Variants in AMOT observed in about 807,000 individuals in gnomAD.
AMOT encodes the protein angiomotin.
Under a neutral mutation model 67.0 loss-of-function variants are expected in AMOT, and 11 were observed. The observed-to-expected ratio is 0.16, with a 90% CI of 0.10 to 0.27. AMOT has a LOEUF of 0.27. Among genes scored for constraint, AMOT ranks in the 10% least tolerant of loss-of-function variants. The pLI, the probability that AMOT is intolerant of heterozygous loss-of-function variation, is 1.00. For missense variants in AMOT, 753 were observed against 852.0 expected, an observed-to-expected ratio of 0.88 and a Z score of 1.45; for synonymous variants, 326 against 321.4, an observed-to-expected ratio of 1.01 and a Z score of -0.15.
At chrX:112,817,533 ATAAGGGCTTT>A (rs1039426636) in intron 4 of AMOT, among the ~76,000 whole-genome samples, 2 of 111,736 alleles carry the variant, frequency 1.8e-5, no homozygotes, top group Admixed American at 1.9e-4. Context: ...GATCTTAACT[ATAAGGGCTTT>A]TTACAGCTAC....
intron 1 of AMOT, among the ~76,000 whole-genome samples, chrX:112,839,426 T>TAA (rs745359154): frequency 1.1e-4 from 12 of 112,318 alleles, no homozygotes; most frequent in Non-Finnish European, 2.1e-4. Flanking sequence ...TTATGGTGAC[T>TAA]AATTATCTTC....
intron 8 of AMOT, among the ~76,000 whole-genome samples, chrX:112,795,650 G>A (rs1225319045): frequency 9.0e-6 from 1 of 111,273 alleles, no homozygotes; most frequent in East Asian, 2.8e-4. Context: ...CAAACCCCTG[G>A]AGAGGTCTTC....
At chrX:112,818,797 A>G (rs1934635169) in intron 4 of AMOT, among the ~76,000 whole-genome samples, 1 of 111,482 alleles carries the variant, frequency 9.0e-6, no homozygotes, top group South Asian at 3.9e-4. Context: ...TGTGAGCAGC[A>G]CACTCTCCAG....
chrX:112,826,200 A>G (rs1025704668), intron 2 of AMOT, among the ~76,000 whole-genome samples: 1 of 111,841 alleles, frequency 8.9e-6, no homozygotes, highest in Non-Finnish European at 1.9e-5. Context: ...ATCCTGGCCT[A>G]TGTATGATTC....
At chrX:112,822,172 C>T in intron 4 of AMOT, 83 bp downstream of exon 4, 2 of 1,051,632 alleles carry the variant, frequency 1.9e-6, no homozygotes, top group Non-Finnish European at 2.5e-6. Context: ...AACACCTGCC[C>T]GTTCCTTCCC....
chrX:112,824,540 A>G (rs1311849446), intron 3 of AMOT, among the ~76,000 whole-genome samples: 1 of 111,412 alleles, frequency 9.0e-6, no homozygotes, highest in Non-Finnish European at 1.9e-5. Context: ...TAGTATATGA[A>G]GAAAGTTCAT....
Position 112,822,361 on chromosome X carries a change from G to T in AMOT, c.766C>A (p.Pro256Thr). ...GMPPQSVVCK[P>T]QEPGHFYSEH... ...CTATAGAAGTGCCCTGGCTCTTGGG[G>T]CTTGCACACTACAGATTGGGGTGGC... The change falls in exon 4 of 14, where the codon CCC (proline) becomes ACC (threonine). Residue 256 changes from proline to threonine, a missense_variant. Coordinates refer to ENST00000371959, the MANE Select transcript of AMOT (RefSeq NM_001113490.2). 1.7e-6 allele frequency: 2 copies of T among 1,164,342 alleles called. No homozygotes were observed. The highest frequency in any genetic ancestry group is 3.9e-5 in the South Asian group (2 of 51,866).
At chrX:112,782,818 T>C (rs1384749908) in intron 10 of AMOT, among the ~76,000 whole-genome samples, 156 bp from the exon 11 acceptor site, 1 of 111,892 alleles carries the variant, frequency 8.9e-6, no homozygotes, top group Non-Finnish European at 1.9e-5. Flanking sequence ...CGTAAGAGCC[T>C]CCAAAATAGG....
intron 1 of AMOT, among the ~76,000 whole-genome samples, chrX:112,835,102 A>G: frequency 8.9e-6 from 1 of 112,001 alleles, no homozygotes; most frequent in East Asian, 2.8e-4. Flanking sequence ...CATCATGCAA[A>G]CACCTTTCAT....
At chrX:112,780,116 A>G (rs1933096013) in intron 12 of AMOT, among the ~76,000 whole-genome samples, 1 of 111,876 alleles carries the variant, frequency 8.9e-6, no homozygotes. Flanking sequence ...AGGGAGCAAG[A>G]AAGGATCTGG....
intron 8 of AMOT, among the ~76,000 whole-genome samples, chrX:112,796,736 T>G (rs1356915838): frequency 1.8e-5 from 2 of 111,757 alleles, no homozygotes; most frequent in Non-Finnish European, 3.8e-5. Flanking sequence ...CTTTTTTGCC[T>G]TTATATCAAT....
rs1932989890 is a variant in AMOT, at chrX:112,778,328, CA to C, written c.*238del. ...GTCCCAGTATTCGTATAAATTCAAA[CA>C]ATAAGCTTTAGAGCACATTCTGATT... On this transcript the variant is annotated 3_prime_UTR_variant, in exon 14 of 14. Coordinates refer to ENST00000371959, the MANE Select transcript of AMOT (RefSeq NM_001113490.2). The C allele has an allele frequency of 1.1e-5, 3 of 271,248 alleles. No homozygotes were observed. The highest frequency in any genetic ancestry group is 8.2e-5 in the African/African-American group (3 of 36,687). The allele number at this position is 271,248 out of a possible 1,213,427, so 22.4% of individuals were successfully genotyped here.
intron 1 of AMOT, among the ~76,000 whole-genome samples, chrX:112,835,902 G>C (rs1211247595): frequency 9.0e-6 from 1 of 111,230 alleles, no homozygotes; most frequent in Non-Finnish European, 1.9e-5. Flanking sequence ...AAATCTTAGA[G>C]ATCACATGTA....
intron 1 of AMOT, among the ~76,000 whole-genome samples, chrX:112,832,983 T>C (rs757167573): frequency 7.1e-5 from 8 of 112,119 alleles, no homozygotes; most frequent in Non-Finnish European, 1.5e-4. Context: ...GAACCTGCCT[T>C]GCCTGAGGTG....
intron 11 of AMOT, among the ~76,000 whole-genome samples, chrX:112,782,337 C>T (rs1018449020): frequency 3.6e-5 from 4 of 112,172 alleles, no homozygotes; most frequent in African/African-American, 9.7e-5. Flanking sequence ...GCCAAAGGGA[C>T]AGAAACCCTA....
intron 4 of AMOT, chrX:112,819,327 C>T (rs1276662659): frequency 5.3e-6 from 4 of 753,389 alleles, no homozygotes; most frequent in Non-Finnish European, 6.3e-6. Flanking sequence ...ATCCTCACCA[C>T]AGAAACTGCC....
At chrX:112,778,726 C>A in intron 13 of AMOT, 62 bp from the exon 14 acceptor site, 2 of 1,019,694 alleles carry the variant, frequency 2.0e-6, no homozygotes, top group Non-Finnish European at 2.7e-6. Context: ...ATTTCTAGAA[C>A]CAGACACCAT....
chrX:112,780,232 C>T (rs1933103113), intron 12 of AMOT: 1 of 112,077 alleles, frequency 8.9e-6, no homozygotes, highest in African/African-American at 3.2e-5. Flanking sequence ...AAAGATATTA[C>T]AAGTATCAGA....
intron 10 of AMOT, among the ~76,000 whole-genome samples, chrX:112,784,729 G>A (rs1206066840): frequency 8.9e-6 from 1 of 112,407 alleles, no homozygotes; most frequent in Non-Finnish European, 1.9e-5. Flanking sequence ...TCCAGCTCTT[G>A]GTAAAATCCT....
Sources: allele counts gnomAD v4.1 joint callset (sites outside exome capture counted in the v4.1 genomes callset), GRCh38; gene constraint gnomAD v4.1.1; transcripts MANE v1.5; gene names NCBI Gene and HGNC (gene_info 2026-07-23, HGNC 2026-07-21).